PREX2: variants seen among roughly 807,000 people sequenced by gnomAD.
The protein encoded by PREX2 is phosphatidylinositol 3,4,5-trisphosphate-dependent Rac exchanger 2 protein.
PREX2 carries 107 observed loss-of-function variants against 203.2 expected under a neutral mutation model. That is an observed-to-expected ratio of 0.53 (90% CI 0.45 to 0.62). The LOEUF (loss-of-function observed/expected upper bound fraction) is 0.62. Ranked by LOEUF, PREX2 falls within the 20% of genes least tolerant of loss-of-function variation. The pLI, the probability that PREX2 is intolerant of heterozygous loss-of-function variation, is 0.00. For missense variants in PREX2, 1,777 were observed against 1,955.9 expected, an observed-to-expected ratio of 0.91 and a Z score of 1.72; for synonymous variants, 672 against 663.6, an observed-to-expected ratio of 1.01 and a Z score of -0.19.
intron 18 of PREX2, among the ~76,000 whole-genome samples, chr8:68,086,563 C>T (rs946967946): frequency 2.6e-5 from 4 of 152,056 alleles, no homozygotes; most frequent in African/African-American, 9.7e-5. Flanking sequence ...TTTTTGTTCC[C>T]GGCTGCGATA....
chr8:68,201,900 ATTTT>A (rs869153263), intron 37 of PREX2, among the ~76,000 whole-genome samples: 2,004 of 98,136 alleles, frequency 0.02, 19 homozygotes, highest in Middle Eastern at 0.055. Flanking sequence ...GGTAACACCT[ATTTT>A]TTTTTTTTTT....
Position 68,130,306 on chromosome 8 carries a change from C to T in PREX2, c.3766+2887C>T, listed in dbSNP as rs377395799. Among the ~76,000 whole-genome samples, 178 of 151,532 alleles carry T rather than the reference C, an allele frequency of 1.2e-3. 2 individuals are homozygous for T. The highest frequency in any genetic ancestry group is 3.3e-3 in the East Asian group (17 of 5,134). On this transcript the variant is annotated intron_variant, in intron 31 of 39. Coordinates refer to ENST00000288368, the MANE Select transcript of PREX2 (RefSeq NM_024870.4). The stretch of plus-strand genomic sequence containing the variant: ...TGCTCTCTTAAAAAACAAAACAAAA[C>T]GAAACAAAAACACACAAAAAACCCA...
intron 35 of PREX2, among the ~76,000 whole-genome samples, chr8:68,179,164 G>T (rs1812037613): frequency 6.6e-6 from 1 of 152,122 alleles, no homozygotes; most frequent in Admixed American, 6.6e-5. Flanking sequence ...TTGAATGTTT[G>T]TGTGTCAGGG....
chr8:68,207,444 A>G (rs1812652005), intron 37 of PREX2, among the ~76,000 whole-genome samples: 1 of 152,204 alleles, frequency 6.6e-6, no homozygotes, highest in African/African-American at 2.4e-5. Flanking sequence ...ATATAATATC[A>G]TTGGCACACA....
At chr8:68,153,744 A>G (rs1235530095) in intron 34 of PREX2, among the ~76,000 whole-genome samples, 1 of 152,056 alleles carries the variant, frequency 6.6e-6, no homozygotes, top group Non-Finnish European at 1.5e-5. Context: ...TAAATATAAA[A>G]CTCATCTTTT....
chr8:68,216,336 C>T (rs1211898496), intron 37 of PREX2, among the ~76,000 whole-genome samples: 2 of 152,014 alleles, frequency 1.3e-5, no homozygotes, highest in Non-Finnish European at 2.9e-5. Context: ...CTTTTATTTG[C>T]AGGGAAAAAT....
At chr8:67,978,598 C>T (rs1806177768) in intron 1 of PREX2, among the ~76,000 whole-genome samples, 1 of 152,086 alleles carries the variant, frequency 6.6e-6, no homozygotes, top group Non-Finnish European at 1.5e-5. Context: ...TACGCTTCAT[C>T]CATTCTACTC....
intron 8 of PREX2, among the ~76,000 whole-genome samples, chr8:68,045,622 A>G (rs188981130): frequency 8.5e-5 from 13 of 152,254 alleles, no homozygotes; most frequent in Non-Finnish European, 1.5e-4. Flanking sequence ...AGCAAAACTC[A>G]GGTGGTGCCT....
intron 13 of PREX2, among the ~76,000 whole-genome samples, chr8:68,070,642 C>G (rs934706793): frequency 6.6e-6 from 1 of 152,122 alleles, no homozygotes; most frequent in African/African-American, 2.4e-5. Flanking sequence ...TAGTCCGCAA[C>G]AAAATATGCC....
intron 1 of PREX2, among the ~76,000 whole-genome samples, chr8:67,984,817 C>A (rs1402052211): frequency 6.6e-6 from 1 of 152,100 alleles, no homozygotes; most frequent in Non-Finnish European, 1.5e-5. Flanking sequence ...ACAGCCAATT[C>A]CCAGCCTTCC....
chr8:68,227,683 G>A (rs1482705328), intron 39 of PREX2, among the ~76,000 whole-genome samples: 2 of 152,164 alleles, frequency 1.3e-5, no homozygotes, highest in Non-Finnish European at 2.9e-5. Flanking sequence ...CAGAGGAAGC[G>A]GGGCTACAGA....
At chr8:68,103,505 C>A (rs967008408) in intron 23 of PREX2, 2 of 517,838 alleles carry the variant, frequency 3.9e-6, no homozygotes, top group East Asian at 5.5e-5. Flanking sequence ...TTTTATATCA[C>A]CTACATTAAA....
intron 23 of PREX2, among the ~76,000 whole-genome samples, chr8:68,101,017 T>G (rs746118402): frequency 1.3e-4 from 20 of 152,178 alleles, no homozygotes; most frequent in Non-Finnish European, 2.9e-4. Flanking sequence ...AAACACATGC[T>G]AAAACAAGTT....
intron 37 of PREX2, among the ~76,000 whole-genome samples, chr8:68,200,576 G>T (rs1360710593): frequency 6.6e-6 from 1 of 151,086 alleles, no homozygotes; most frequent in Non-Finnish European, 1.5e-5. Context: ...TCCTTAAAAA[G>T]GTGGTCATAT....
rs746407799 is a variant in PREX2, at chr8:68,108,109, T to C, written c.2716T>C (p.Phe906Leu). 1.4e-5 allele frequency: 22 copies of C among 1,600,734 alleles called. No homozygotes were observed. Among genetic ancestry groups the C allele is most frequent in the Non-Finnish European group, 1.9e-5 (22 of 1,173,910 alleles). The change falls in exon 24 of 40, where the codon TTT becomes CTT. Residue 906 changes from phenylalanine (F) to leucine (L), a missense_variant and splice_region_variant. Physicochemically the swap from Phe to Leu is conservative, Grantham distance 22. Coordinates refer to ENST00000288368, the MANE Select transcript of PREX2 (RefSeq NM_024870.4). ...LCQRISSYKK[F>L]SRVLKNRAWP... is the part of the protein sequence containing the mutation. ...TTTTTATGTTTTCTTTAATTTGCAG[T>C]TTTCTCGTGTACTGAAGAATAGGGC...
rs1045867065 is a variant in PREX2 at position 68,091,579 on chromosome 8, A to G, written c.2250+864A>G. 7.9e-5 allele frequency among the ~76,000 whole-genome samples: 12 copies of G among 152,332 alleles called. No individual in the cohort carries two copies. The South Asian group carries it at 1.7e-3, about 21-fold the overall frequency. ...ATGGCCTGCAAAATGCTGAATCTAC[A>G]TGAAAATAACTGATCAGTTTTACTT... On this transcript the variant is annotated intron_variant, in intron 20 of 39. Coordinates refer to ENST00000288368, the MANE Select transcript of PREX2 (RefSeq NM_024870.4).
At chr8:68,012,248 T>G (rs1807286327) in intron 1 of PREX2, among the ~76,000 whole-genome samples, 1 of 152,220 alleles carries the variant, frequency 6.6e-6, no homozygotes, top group South Asian at 2.1e-4. Context: ...TATCGTCACA[T>G]CTTGGTCAAG....
chr8:67,971,950 A>AT (rs1465576431), intron 1 of PREX2, among the ~76,000 whole-genome samples: 1 of 152,172 alleles, frequency 6.6e-6, no homozygotes, highest in Non-Finnish European at 1.5e-5. Flanking sequence ...GGACTGATGT[A>AT]TTTTCCAAAG....
At chr8:68,076,925 C>A (rs1053477195) in intron 14 of PREX2, among the ~76,000 whole-genome samples, 1 of 152,042 alleles carries the variant, frequency 6.6e-6, no homozygotes, top group Non-Finnish European at 1.5e-5. Flanking sequence ...TCTTACAAGT[C>A]ATCGTAGATT....
Sources: allele counts gnomAD v4.1 joint callset (sites outside exome capture counted in the v4.1 genomes callset), GRCh38; gene constraint gnomAD v4.1.1; transcripts MANE v1.5; gene names NCBI Gene and HGNC (gene_info 2026-07-23, HGNC 2026-07-21).